MTFR1L: variants seen among roughly 807,000 people sequenced by gnomAD.
MTFR1L encodes the protein mitochondrial fission regulator 1-like.
Under a neutral mutation model 27.9 loss-of-function variants are expected in MTFR1L, and 10 were observed. The observed-to-expected ratio is 0.36, with a 90% CI of 0.22 to 0.61. The LOEUF is 0.61. Ranked by LOEUF, MTFR1L falls within the 20% of genes least tolerant of loss-of-function variation. The probability of loss-of-function intolerance (pLI) is 0.73; values close to 1 mark genes in which losing one functional copy is unlikely to be tolerated. For missense variants in MTFR1L, 315 were observed against 363.7 expected, an observed-to-expected ratio of 0.87 and a Z score of 1.09; for synonymous variants, 151 against 139.4, an observed-to-expected ratio of 1.08 and a Z score of -0.58.
intron 1 of MTFR1L, chr1:25,822,172 G>GA (rs1557440547): frequency 6.6e-6 from 1 of 152,158 alleles, no homozygotes; most frequent in Admixed American, 6.5e-5. Flanking sequence ...TTTCCAGATG[G>GA]AAAAACCAAC....
intron 2 of MTFR1L, 54 bp from the exon 3 acceptor site, chr1:25,823,590 C>T (rs1394534639): frequency 6.3e-7 from 1 of 1,594,272 alleles, no homozygotes; most frequent in Non-Finnish European, 8.6e-7. Context: ...AGGACAAGGA[C>T]AGTAGTTGGA....
rs375855966 is a variant in MTFR1L at position 25,823,781 on chromosome 1, C to T, written c.129+33C>T. On this transcript the variant is annotated intron_variant, in intron 3 of 6. Transcript: ENST00000374303. ...TGTTGGAAGGGCAGGAGAGTAGAGG[C>T]TCAGACAGTGCTGCTTCTGTGCCCC... The T allele has an allele frequency of 2.5e-6, 4 of 1,609,322 alleles. No individual in the cohort carries two copies. In the African/African-American group the frequency reaches 5.3e-5, roughly 22 times the overall value.
At chr1:25,827,550 C>T (rs371815730) in intron 5 of MTFR1L, among the ~76,000 whole-genome samples, 9 of 152,286 alleles carry the variant, frequency 5.9e-5, no homozygotes, top group South Asian at 4.2e-4. Context: ...AAGCGATTCT[C>T]GTGCCTCAGC....
intron 1 of MTFR1L, chr1:25,820,398 G>T: frequency 2.2e-6 from 1 of 452,356 alleles, no homozygotes; most frequent in South Asian, 1.6e-5. Context: ...GCGAGCACTT[G>T]GCCGACCTTG....
intron 1 of MTFR1L, chr1:25,820,437 A>G (rs923966715): frequency 2.4e-6 from 1 of 420,730 alleles, no homozygotes; most frequent in Admixed American, 2.8e-5. Flanking sequence ...GCCGCGGGGG[A>G]GGGGCGACTC....
chr1:25,827,846 C>T (rs1572250935), intron 5 of MTFR1L, among the ~76,000 whole-genome samples: 1 of 152,154 alleles, frequency 6.6e-6, no homozygotes, highest in Admixed American at 6.5e-5. Context: ...GTGCCTCTGC[C>T]TCCCGAGTAG....
In MTFR1L at chr1:25,826,284, A is replaced by G. The variant is rs1329334616; in HGVS notation, c.130-18A>G. 1.9e-6 allele frequency: 3 copies of G among 1,609,182 alleles called. No homozygotes were observed. The highest frequency in any genetic ancestry group is 2.7e-5 in the African/African-American group (2 of 74,854). On this transcript the variant is annotated intron_variant, in intron 3 of 6. Transcript: ENST00000374303. The surrounding 1 kb of genome is among the most constrained non-coding windows in gnomAD (Gnocchi z 4.1). The stretch of plus-strand genomic sequence containing the variant: ...ATCATGGCATCTGTAAATGTTGATG[A>G]CTTTTGCTTCTCCATAGACCCTGCC...
chr1:25,831,984 G>GT lies in MTFR1L; in HGVS notation c.840dup (p.Ala281CysfsTer9). 6.2e-7 allele frequency: 1 copy of GT among 1,614,220 alleles called. No individual in the cohort carries two copies. Among genetic ancestry groups the GT allele is most frequent in the Non-Finnish European group, 8.5e-7 (1 of 1,180,048 alleles). ...TTATCTCTGAGGTCCTAAGGAGGAA[G>GT]TTTGCTCTAAAGGAAGAAGATATCA... On this transcript the variant is annotated frameshift_variant, in exon 7 of 7. Transcript: ENST00000374303. LOFTEE classifies it high-confidence loss of function.
intron 5 of MTFR1L, among the ~76,000 whole-genome samples, chr1:25,828,428 C>T (rs142700259): frequency 6.6e-6 from 1 of 152,050 alleles, no homozygotes; most frequent in African/African-American, 2.4e-5. Flanking sequence ...ATAAAAAATA[C>T]AAAAATTAGC....
chr1:25,824,527 T>TG (rs2048143629), intron 3 of MTFR1L, among the ~76,000 whole-genome samples: 1 of 152,130 alleles, frequency 6.6e-6, no homozygotes, highest in Non-Finnish European at 1.5e-5. Flanking sequence ...TGAAAGGATG[T>TG]GGGCCCAGGT....
intron 6 of MTFR1L, among the ~76,000 whole-genome samples, chr1:25,830,999 T>C (rs138625632): frequency 6.6e-6 from 1 of 152,314 alleles, no homozygotes; most frequent in Non-Finnish European, 1.5e-5. Flanking sequence ...GTTTTATAGG[T>C]TGACTCTCAA....
intron 3 of MTFR1L, among the ~76,000 whole-genome samples, chr1:25,824,059 G>C (rs2048135835): frequency 6.6e-6 from 1 of 152,044 alleles, no homozygotes; most frequent in Non-Finnish European, 1.5e-5. Flanking sequence ...ATTATTTTTT[G>C]AGATGAGGTC....
chr1:25,831,961 A>C lies in MTFR1L; in HGVS notation c.814A>C (p.Ile272Leu), dbSNP rs886987299. Residue 272 changes from isoleucine (I) to leucine (L), a missense_variant, in exon 7 of 7, where the codon ATC (isoleucine) becomes CTC (leucine). Ile to Leu is a conservative substitution (Grantham distance 5, BLOSUM62 2). Transcript: ENST00000374303. ...GAAGGAGGAAGACCCTGCTGTGCTTATCTCTGAGGTCCTAAGGAGGAAGTT... is the reference window on the plus strand; with the variant it reads ...GAAGGAGGAAGACCCTGCTGTGCTTCTCTCTGAGGTCCTAAGGAGGAAGTT... ...LLKEEDPAVL[I>L]SEVLRRKFAL... The C allele has an allele frequency of 3.7e-6, 6 of 1,614,112 alleles. No individual in the cohort carries two copies. Among genetic ancestry groups the C allele is most frequent in the Non-Finnish European group, 5.1e-6 (6 of 1,180,052 alleles).
intron 5 of MTFR1L, 141 bp from the exon 6 acceptor site, chr1:25,829,368 A>T: frequency 1.3e-6 from 1 of 755,332 alleles, no homozygotes; most frequent in Non-Finnish European, 2.2e-6. Flanking sequence ...TCCACTGGCT[A>T]CAGATACCAT....
At chr1:25,829,868 CAG>C (rs2048214927) in intron 6 of MTFR1L, 38 bp downstream of exon 6, 3 of 1,528,232 alleles carry the variant, frequency 2.0e-6, no homozygotes, top group Non-Finnish European at 1.8e-6. Context: ...TCTATTTACT[CAG>C]AGTTGCCCAT....
Position 25,826,464 on chromosome 1 carries a change from G to A in MTFR1L, c.239+53G>A, listed in dbSNP as rs945151129. On this transcript the variant is annotated intron_variant, in intron 4 of 6. Transcript: ENST00000374303. The surrounding 1 kb of genome is among the most constrained non-coding windows in gnomAD (Gnocchi z 4.1). ...AGGAATGGAGAACTTCCCAGAAGAG[G>A]TGGCAGGCAGCAAGGAGAGAGGAAT... The A allele has an allele frequency of 5.6e-6, 9 of 1,599,690 alleles. No homozygotes were observed. Among genetic ancestry groups the A allele is most frequent in the South Asian group, 1.1e-5 (1 of 90,768 alleles).
chr1:25,831,163 C>G (rs4659384), intron 6 of MTFR1L, among the ~76,000 whole-genome samples: 109,412 of 152,044 alleles, frequency 0.72, 40,878 homozygotes, highest in East Asian at 0.97. Context: ...ATGTCACCAA[C>G]CAAACGCAGT....
chr1:25,829,588 A>C lies in MTFR1L; in HGVS notation c.531A>C (p.Ser177=). 6.2e-7 allele frequency: 1 copy of C among 1,614,164 alleles called. No individual in the cohort carries two copies. Among genetic ancestry groups the C allele is most frequent in the South Asian group, 1.1e-5 (1 of 91,086 alleles). The stretch of plus-strand genomic sequence containing the variant: ...CTCCCTTACCTTGTTTTGGATCCTC[A>C]TTCCACTCTACAACTTCCTTTGTCA... ...VSSPLPCFGS[S]FHSTTSFVIS... is the part of the protein sequence containing the mutation. The change falls in exon 6 of 7, where the codon TCA becomes TCC. Residue 177 remains serine (S), a synonymous_variant. Transcript: ENST00000374303.
chr1:25,822,745 C>G, intron 1 of MTFR1L: 2 of 547,746 alleles, frequency 3.7e-6, no homozygotes, highest in African/African-American at 1.9e-5. Context: ...CCAGGATGGT[C>G]TCGCTCTCCT....
Sources: allele counts gnomAD v4.1 joint callset (sites outside exome capture counted in the v4.1 genomes callset), GRCh38; gene constraint gnomAD v4.1.1; non-coding constraint Gnocchi (gnomAD v3.1); transcripts MANE v1.5; gene names NCBI Gene and HGNC (gene_info 2026-07-23, HGNC 2026-07-21).